Variants in NAV2 observed in about 807,000 individuals in gnomAD.
NAV2 encodes helicase, APC down-regulated 1.
A neutral mutation model predicts 223.2 loss-of-function variants in NAV2; 54 were observed. The observed-to-expected ratio is 0.24, with a 90% CI of 0.19 to 0.30. The LOEUF (loss-of-function observed/expected upper bound fraction) is 0.30. Ranked by LOEUF, NAV2 falls within the 10% of genes least tolerant of loss-of-function variation. NAV2 has a pLI of 1.00. For synonymous variants in NAV2, 1,279 were observed against 1,239.3 expected (o/e 1.03, Z -0.67); for missense variants, 2,806 against 3,147.5 (o/e 0.89, Z 2.60).
intron 1 of NAV2, among the ~76,000 whole-genome samples, chr11:19,446,162 A>G (rs915527673): frequency 6.6e-6 from 1 of 152,198 alleles, no homozygotes; most frequent in African/African-American, 2.4e-5. Flanking sequence ...CTAGCTCTAC[A>G]TTCACCTATC....
intron 3 of NAV2, among the ~76,000 whole-genome samples, chr11:19,843,238 C>G (rs1432198506): frequency 1.3e-5 from 2 of 152,202 alleles, no homozygotes; most frequent in African/African-American, 4.8e-5. Context: ...GCTCGTTCTG[C>G]TTCCTCAAAG....
chr11:19,694,337 C>A (rs1406436125), intron 1 of NAV2, among the ~76,000 whole-genome samples: 1 of 152,128 alleles, frequency 6.6e-6, no homozygotes, highest in African/African-American at 2.4e-5. Context: ...GGGAGTCAAC[C>A]CTCAGACACA....
At chr11:20,044,497 A>T (rs1426155926) in intron 13 of NAV2, among the ~76,000 whole-genome samples, 1 of 152,170 alleles carries the variant, frequency 6.6e-6, no homozygotes, top group African/African-American at 2.4e-5. Flanking sequence ...GACATACTGA[A>T]TTGGTTTAAC....
chr11:19,347,343 G>A (rs1483868594), upstream of NAV2, among the ~76,000 whole-genome samples: 1 of 152,194 alleles, frequency 6.6e-6, no homozygotes, highest in Non-Finnish European at 1.5e-5. Context: ...CTACCTCTAA[G>A]ACTAGGAAGC....
intron 8 of NAV2, among the ~76,000 whole-genome samples, chr11:19,945,571 C>T (rs1039929881): frequency 5.9e-5 from 9 of 152,186 alleles, no homozygotes; most frequent in Admixed American, 1.3e-4. Flanking sequence ...TCTTGAACTC[C>T]TGGGCTCAAG....
intron 3 of NAV2, among the ~76,000 whole-genome samples, chr11:19,868,320 T>C (rs1268909539): frequency 6.6e-6 from 1 of 152,218 alleles, no homozygotes; most frequent in African/African-American, 2.4e-5. Flanking sequence ...GGCTGGACAC[T>C]GGCTTGCCCT....
At chr11:20,076,123 G>A (rs1360321609) in intron 22 of NAV2, among the ~76,000 whole-genome samples, 1 of 152,166 alleles carries the variant, frequency 6.6e-6, no homozygotes, top group Non-Finnish European at 1.5e-5. Context: ...ACCCTGGGAG[G>A]AAAATAGATA....
chr11:19,606,691 G>C (rs143034256), intron 1 of NAV2, among the ~76,000 whole-genome samples: 125 of 152,310 alleles, frequency 8.2e-4, no homozygotes, highest in African/African-American at 2.9e-3. Context: ...CTTGGAAGTG[G>C]AAGCACTCTA....
At chr11:19,931,024 G>A (rs750306308) in intron 6 of NAV2, among the ~76,000 whole-genome samples, 25 of 152,350 alleles carry the variant, frequency 1.6e-4, no homozygotes, top group Non-Finnish European at 2.6e-4. Flanking sequence ...GGAGACCTGA[G>A]TTCAAATCCC....
At chr11:20,038,100 C>T (rs1046306970) in intron 12 of NAV2, among the ~76,000 whole-genome samples, 1 of 152,172 alleles carries the variant, frequency 6.6e-6, no homozygotes, top group African/African-American at 2.4e-5. Flanking sequence ...TGCCTTTGTT[C>T]CCTTCTTGCA....
intron 3 of NAV2, among the ~76,000 whole-genome samples, chr11:19,843,706 G>A (rs11025286): frequency 6.6e-6 from 1 of 150,802 alleles, no homozygotes; most frequent in Admixed American, 6.6e-5. Flanking sequence ...CATGAAGGTG[G>A]CAACTTAAGG....
intron 22 of NAV2, among the ~76,000 whole-genome samples, chr11:20,071,574 C>T (rs192075424): frequency 6.6e-5 from 10 of 152,342 alleles, no homozygotes; most frequent in African/African-American, 2.2e-4. Context: ...TTTACACTCT[C>T]ATCAACAGTA....
At chr11:19,909,796 TTCC>T (rs1453518239) in intron 6 of NAV2, among the ~76,000 whole-genome samples, 1 of 152,172 alleles carries the variant, frequency 6.6e-6, no homozygotes, top group African/African-American at 2.4e-5. Flanking sequence ...TGCCATCATG[TTCC>T]TCCTCCTCCT....
At chr11:19,925,500 C>T (rs1418879320) in intron 6 of NAV2, among the ~76,000 whole-genome samples, 1 of 152,154 alleles carries the variant, frequency 6.6e-6, no homozygotes, top group African/African-American at 2.4e-5. Flanking sequence ...CCTGTAATCC[C>T]AGCACTTTGG....
At chr11:19,631,263 C>T (rs1017441340) in intron 1 of NAV2, among the ~76,000 whole-genome samples, 2 of 152,002 alleles carry the variant, frequency 1.3e-5, no homozygotes, top group Non-Finnish European at 2.9e-5. Context: ...CCCTTTCCCC[C>T]ACCCCACAAC....
At chr11:19,867,764 A>G (rs1179143834) in intron 3 of NAV2, among the ~76,000 whole-genome samples, 1 of 152,214 alleles carries the variant, frequency 6.6e-6, no homozygotes, top group Non-Finnish European at 1.5e-5. Context: ...GGTATCCCAT[A>G]GCTTAATTTA....
chr11:19,632,104 C>G (rs1253320848), intron 1 of NAV2, among the ~76,000 whole-genome samples: 2 of 152,188 alleles, frequency 1.3e-5, no homozygotes, highest in African/African-American at 4.8e-5. Flanking sequence ...GCTTCAAAGG[C>G]CCATCTTCAA....
intron 1 of NAV2, among the ~76,000 whole-genome samples, chr11:19,726,941 G>A (rs1029656345): frequency 6.6e-6 from 1 of 152,214 alleles, no homozygotes; most frequent in African/African-American, 2.4e-5. Context: ...TGGAGGCACA[G>A]GCCCAACTGC....
chr11:19,968,542 T>C (rs1242429469), intron 10 of NAV2, among the ~76,000 whole-genome samples: 2 of 152,188 alleles, frequency 1.3e-5, no homozygotes, highest in East Asian at 3.9e-4. Context: ...CTTTAAAGTG[T>C]AAACATGTTT....
Sources: allele counts gnomAD v4.1 joint callset (sites outside exome capture counted in the v4.1 genomes callset), GRCh38; gene constraint gnomAD v4.1.1; transcripts MANE v1.5; gene names NCBI Gene and HGNC (gene_info 2026-07-23, HGNC 2026-07-21).